Variants in EGLN1 observed in about 807,000 individuals in gnomAD.
EGLN1 encodes egl-9 family hypoxia inducible factor 1.
EGLN1 carries 17 observed loss-of-function variants against 38.3 expected under a neutral mutation model. That is an observed-to-expected ratio of 0.44 (90% CI 0.30 to 0.67). The LOEUF (loss-of-function observed/expected upper bound fraction) is 0.67. Ranked by LOEUF, EGLN1 falls within the 30% of genes least tolerant of loss-of-function variation. EGLN1 has a pLI of 0.08. For missense variants in EGLN1, 477 were observed against 603.3 expected, an observed-to-expected ratio of 0.79 and a Z score of 2.19; for synonymous variants, 283 against 257.5, an observed-to-expected ratio of 1.10 and a Z score of -0.95.
chr1:231,369,451 G>T (rs1428005941), intron 3 of EGLN1: 8 of 375,476 alleles, frequency 2.1e-5, no homozygotes, highest in Non-Finnish European at 2.9e-5. Context: ...CTTTACAGAA[G>T]CAGCAGGGGG....
In EGLN1 at chr1:231,400,262, A is replaced by C. The variant is rs563369267; in HGVS notation, c.891+20736T>G. Among the ~76,000 whole-genome samples the C allele has an allele frequency of 8.6e-5, 13 of 151,862 alleles. No homozygotes were observed. In the South Asian group the frequency reaches 2.7e-3, roughly 32 times the overall value. ...CCAAATGTGAATTAGAATCTCCAGG[A>C]AATTGTCTTTAAATTTTTTATTTTC... On this transcript the variant is annotated intron_variant, in intron 1 of 4. Coordinates refer to ENST00000366641, the MANE Select transcript of EGLN1 (RefSeq NM_022051.3).
intron 3 of EGLN1, among the ~76,000 whole-genome samples, chr1:231,369,808 A>G (rs995304430): frequency 6.6e-6 from 1 of 152,124 alleles, no homozygotes; most frequent in Admixed American, 6.6e-5. Flanking sequence ...ATGTTCCAAG[A>G]CCTTTCCATA....
At chr1:231,385,629 A>G (rs1005241749) in intron 1 of EGLN1, among the ~76,000 whole-genome samples, 10 of 152,304 alleles carry the variant, frequency 6.6e-5, no homozygotes, top group Admixed American at 3.9e-4. Context: ...GTAAGCCCCA[A>G]TGATGAACTT....
chr1:231,368,634 G>A (rs530400457), intron 3 of EGLN1, among the ~76,000 whole-genome samples: 2 of 152,320 alleles, frequency 1.3e-5, no homozygotes, highest in East Asian at 3.9e-4. Context: ...ACCAGTTCCT[G>A]GGCAGAATAT....
intron 1 of EGLN1, among the ~76,000 whole-genome samples, chr1:231,416,201 T>C (rs1689076180): frequency 6.6e-6 from 1 of 151,966 alleles, no homozygotes; most frequent in Non-Finnish European, 1.5e-5. Flanking sequence ...TATTGCCATG[T>C]TGCCCAGGCT....
At chr1:231,369,184 A>T (rs1023053577) in intron 3 of EGLN1, among the ~76,000 whole-genome samples, 2 of 151,928 alleles carry the variant, frequency 1.3e-5, no homozygotes, top group African/African-American at 2.4e-5. Flanking sequence ...GAACTTTACT[A>T]ACACGACTGC....
chr1:231,369,230 T>C (rs963218501), intron 3 of EGLN1, among the ~76,000 whole-genome samples: 3 of 152,104 alleles, frequency 2.0e-5, no homozygotes, highest in Non-Finnish European at 4.4e-5. Flanking sequence ...CAGCTGAGCC[T>C]CTCCCTTCAA....
rs1217342605 is a variant in EGLN1, at chr1:231,421,747, G to A, written c.142C>T (p.Arg48Cys). 1.3e-6 allele frequency: 2 copies of A among 1,548,164 alleles called. No homozygotes were observed. The highest frequency in any genetic ancestry group is 1.7e-6 in the Non-Finnish European group (2 of 1,156,022). The change falls in exon 1 of 5, where the codon CGT (arginine) becomes TGT (cysteine). Residue 48 changes from arginine to cysteine, a missense_variant. This residue lies in a region of EGLN1 where 298 missense variants were observed against 288.9 expected (regional missense o/e 1.03). Transcript: ENST00000366641. The surrounding 1 kb of genome is among the most constrained non-coding windows in gnomAD (Gnocchi z 5.5). ...SSFYCCKEHQ[R>C]QDWKKHKLVC... Reference sequence around the variant, plus strand: ...AGCTTGTGCTTCTTCCAGTCCTGACGCTGGTGCTCCTTGCAGCAGTAGAAG... The same window carrying A: ...AGCTTGTGCTTCTTCCAGTCCTGACACTGGTGCTCCTTGCAGCAGTAGAAG...
chr1:231,412,085 GTAT>G (rs1393536858), intron 1 of EGLN1, among the ~76,000 whole-genome samples: 1 of 131,060 alleles, frequency 7.6e-6, no homozygotes, highest in Non-Finnish European at 1.5e-5. Context: ...AATAGTACCA[GTAT>G]TATTTTATAT....
intron 1 of EGLN1, among the ~76,000 whole-genome samples, chr1:231,408,998 C>T (rs1299835813): frequency 1.3e-5 from 2 of 149,800 alleles, no homozygotes; most frequent in Non-Finnish European, 3.0e-5. Flanking sequence ...ACAGAATGAA[C>T]TAGAAAGATA....
chr1:231,419,897 G>A (rs1365668787), intron 1 of EGLN1, among the ~76,000 whole-genome samples: 2 of 152,166 alleles, frequency 1.3e-5, no homozygotes, highest in Non-Finnish European at 2.9e-5. Flanking sequence ...TAGAGTCAGC[G>A]TGTGTGTACA....
At chr1:231,405,146 A>G (rs944805759) in intron 1 of EGLN1, among the ~76,000 whole-genome samples, 1 of 152,134 alleles carries the variant, frequency 6.6e-6, no homozygotes, top group African/African-American at 2.4e-5. Context: ...GGCACTGCTG[A>G]GAAATAAAAC....
At chr1:231,383,398 A>C (rs1287056253) in intron 1 of EGLN1, among the ~76,000 whole-genome samples, 2 of 152,320 alleles carry the variant, frequency 1.3e-5, no homozygotes, top group East Asian at 3.9e-4. Context: ...CAGTGTAATA[A>C]ACACCAGAAC....
chr1:231,383,249 G>C (rs532525935), intron 1 of EGLN1, among the ~76,000 whole-genome samples: 1 of 152,042 alleles, frequency 6.6e-6, no homozygotes, highest in East Asian at 1.9e-4. Flanking sequence ...TCGGTTCTGG[G>C]GGAAGAGATT....
intron 1 of EGLN1, among the ~76,000 whole-genome samples, chr1:231,414,452 C>CTCTG (rs1689025138): frequency 1.3e-5 from 2 of 152,160 alleles, no homozygotes; most frequent in Non-Finnish European, 2.9e-5. Context: ...CAGGAGTAAA[C>CTCTG]TGTCACTCAG....
chr1:231,420,944 G>C (rs1656570118), intron 1 of EGLN1, 54 bp downstream of exon 1: 6 of 1,613,532 alleles, frequency 3.7e-6, no homozygotes, highest in Non-Finnish European at 4.2e-6. Flanking sequence ...GTCGCAGGCA[G>C]GGGCTGCCCG....
At chr1:231,406,336 T>C (rs1201573125) in intron 1 of EGLN1, among the ~76,000 whole-genome samples, 3 of 152,030 alleles carry the variant, frequency 2.0e-5, no homozygotes, top group Non-Finnish European at 4.4e-5. Context: ...TGATAAAGAC[T>C]CTCAGTCTTT....
At chr1:231,382,993 G>A (rs896266504) in intron 1 of EGLN1, among the ~76,000 whole-genome samples, 2 of 149,900 alleles carry the variant, frequency 1.3e-5, no homozygotes, top group Admixed American at 6.7e-5. Flanking sequence ...GGGAGGTGGA[G>A]GGTGCAGTGA....
chr1:231,416,162 TAATA>T (rs1021345722), intron 1 of EGLN1, among the ~76,000 whole-genome samples: 10 of 151,934 alleles, frequency 6.6e-5, no homozygotes, highest in African/African-American at 2.2e-4. Flanking sequence ...CTTTCTTTCT[TAATA>T]ATTTTTTTTT....
Sources: gnomAD v4.1 joint callset for allele counts (sites outside exome capture counted in the v4.1 genomes callset) on GRCh38, gnomAD v4.1.1 for gene constraint, gnomAD v4.1.1 regional missense constraint, Gnocchi (gnomAD v3.1) non-coding constraint, MANE v1.5 for transcripts, NCBI Gene and HGNC (gene_info 2026-07-23, HGNC 2026-07-21) for gene names.